NUP210L: variants seen among roughly 807,000 people sequenced by gnomAD.
NUP210L encodes the protein nucleoporin 210 like, also known as nuclear pore membrane glycoprotein 210-like.
In NUP210L, 74 loss-of-function variants were observed where a neutral mutation model predicts 208.5. The observed-to-expected ratio is 0.35, with a 90% CI of 0.29 to 0.43. The LOEUF (loss-of-function observed/expected upper bound fraction) is 0.43, where lower values mean the gene tolerates loss of function less well. NUP210L is among the 20% of genes least tolerant of loss of function. The probability of loss-of-function intolerance (pLI) is 1.00; values close to 1 mark genes in which losing one functional copy is unlikely to be tolerated. For synonymous variants in NUP210L, 780 were observed against 816.9 expected (o/e 0.95, Z 0.77); for missense variants, 1,843 against 2,289.4 (o/e 0.81, Z 3.98).
intron 37 of NUP210L, 67 bp downstream of exon 37, chr1:154,000,789 G>C: frequency 7.3e-7 from 1 of 1,365,090 alleles, no homozygotes; most frequent in South Asian, 1.2e-5. Flanking sequence ...CAGATGGGGG[G>C]TACTAATGTA....
chr1:154,058,161 C>A, exon 22 of NUP210L: 1 of 1,613,928 alleles, frequency 6.2e-7, no homozygotes, highest in Non-Finnish European at 8.5e-7. Flanking sequence ...TTGGAATGGG[C>A]GTTTGGAAGA....
chr1:154,030,090 C>T (rs1416319975), intron 27 of NUP210L, 36 bp from the exon 28 acceptor site: 7 of 1,387,804 alleles, frequency 5.0e-6, no homozygotes, highest in African/African-American at 1.5e-5. Context: ...AAATATTCAT[C>T]AATAAACATG....
chr1:154,023,435 A>G, intron 30 of NUP210L, 138 bp from the exon 31 acceptor site: 1 of 641,432 alleles, frequency 1.6e-6, no homozygotes. Flanking sequence ...AGATGACTTA[A>G]GTCAGAGTGA....
intron 17 of NUP210L, among the ~76,000 whole-genome samples, chr1:154,068,743 C>T (rs1654540864): frequency 6.6e-6 from 1 of 150,966 alleles, no homozygotes; most frequent in African/African-American, 2.4e-5. Flanking sequence ...CCAAACACCA[C>T]ATATTCTCAC....
intron 27 of NUP210L, among the ~76,000 whole-genome samples, chr1:154,043,354 G>A (rs1652997140): frequency 1.4e-5 from 2 of 146,476 alleles, no homozygotes; most frequent in Admixed American, 1.4e-4. Context: ...CACTCTTGTT[G>A]CCCAGGCTGG....
At chr1:154,012,184 G>C in intron 34 of NUP210L, 60 bp downstream of exon 34, 4 of 1,553,620 alleles carry the variant, frequency 2.6e-6, no homozygotes, top group Non-Finnish European at 3.5e-6. Flanking sequence ...AGGGATAAAT[G>C]AATTGAGGGA....
intron 14 of NUP210L, among the ~76,000 whole-genome samples, chr1:154,095,483 T>A (rs933541902): frequency 3.3e-5 from 5 of 152,230 alleles, no homozygotes; most frequent in African/African-American, 1.2e-4. Context: ...TTATTATATG[T>A]GTGTCAAATG....
intron 32 of NUP210L, 77 bp from the exon 33 acceptor site, chr1:154,019,146 A>G: frequency 6.8e-7 from 1 of 1,474,342 alleles, no homozygotes; most frequent in Non-Finnish European, 9.2e-7. Context: ...ACTCCAAATC[A>G]GTAAATTTTT....
chr1:154,046,306 G>C (rs748829979), exon 26 of NUP210L: 5 of 1,614,136 alleles, frequency 3.1e-6, no homozygotes, highest in Non-Finnish European at 3.4e-6. Flanking sequence ...GCTGTGATGA[G>C]CCGAGTTGCA....
intron 1 of NUP210L, among the ~76,000 whole-genome samples, chr1:154,153,182 A>G (rs1242833703): frequency 1.3e-5 from 2 of 152,066 alleles, no homozygotes; most frequent in Non-Finnish European, 1.5e-5. Context: ...GGACTTTCTC[A>G]TACTCTGAGG....
At chr1:154,021,300 T>C (rs1181659237) in intron 32 of NUP210L, among the ~76,000 whole-genome samples, 1 of 152,124 alleles carries the variant, frequency 6.6e-6, no homozygotes, top group Non-Finnish European at 1.5e-5. Flanking sequence ...AGAGTATAGT[T>C]GGCCAGGGGC....
intron 12 of NUP210L, among the ~76,000 whole-genome samples, chr1:154,109,322 T>A (rs1172100634): frequency 6.6e-6 from 1 of 151,100 alleles, no homozygotes; most frequent in Admixed American, 6.6e-5. Context: ...GATAAAGGGG[T>A]CAATTCAGCA....
At chr1:154,146,515 C>T (rs963422414) in intron 2 of NUP210L, among the ~76,000 whole-genome samples, 1 of 151,712 alleles carries the variant, frequency 6.6e-6, no homozygotes, top group South Asian at 2.1e-4. Context: ...ATCTATGGTT[C>T]CAGCTACGTG....
In NUP210L at chr1:154,094,891, G is replaced by A. The variant is rs1369205403; in HGVS notation, c.2187+44C>T. ...AATGGCTGGAAGTACAAAGGATTTG[G>A]AGTATTACACTAAAGAAAATGTTAT... On this transcript the variant is annotated intron_variant, in intron 15 of 39. Transcript: ENST00000368559. 5 of 1,399,928 alleles carry A rather than the reference G, an allele frequency of 3.6e-6. No homozygotes were observed. The Admixed American group carries it at 8.8e-5, about 25-fold the overall frequency. The allele number at this position is 1,399,928 out of a possible 1,614,324, so 86.7% of individuals were successfully genotyped here.
At chr1:154,046,479 C>T in intron 25 of NUP210L, 110 bp from the exon 26 acceptor site, 3 of 904,076 alleles carry the variant, frequency 3.3e-6, no homozygotes, top group South Asian at 2.9e-5. Context: ...CAGTAAAAAA[C>T]CTTGCCCATG....
intron 7 of NUP210L, 58 bp from the exon 8 acceptor site, chr1:154,129,403 C>A: frequency 1.0e-6 from 1 of 994,246 alleles, no homozygotes; most frequent in Non-Finnish European, 1.6e-6. Context: ...GGTGAGGTAC[C>A]AAAGGAGAAA....
chr1:154,140,910 C>T (rs1339846222), intron 4 of NUP210L, among the ~76,000 whole-genome samples: 3 of 149,274 alleles, frequency 2.0e-5, no homozygotes, highest in Non-Finnish European at 4.4e-5. Context: ...AGGAGAATGG[C>T]GTGAACCCGG....
At chr1:154,143,690 C>A in intron 2 of NUP210L, 113 bp from the exon 3 acceptor site, 1 of 828,866 alleles carries the variant, frequency 1.2e-6, no homozygotes. Context: ...ACTATGACTG[C>A]TGCTTTTACC....
At chr1:154,054,699 T>G (rs1653712581) in intron 24 of NUP210L, 71 bp downstream of exon 24, 2 of 1,023,738 alleles carry the variant, frequency 2.0e-6, no homozygotes, top group African/African-American at 1.6e-5. Flanking sequence ...GGAAGAGAGG[T>G]GTGTGTGTGT....
Sources: gnomAD v4.1 joint callset for allele counts (sites outside exome capture counted in the v4.1 genomes callset) on GRCh38, gnomAD v4.1.1 for gene constraint, MANE v1.5 for transcripts, NCBI Gene and HGNC (gene_info 2026-07-23, HGNC 2026-07-21) for gene names.